PEAK1: variants seen among roughly 807,000 people sequenced by gnomAD.
The protein encoded by PEAK1 is inactive tyrosine-protein kinase PEAK1.
PEAK1 carries 54 observed loss-of-function variants against 124.7 expected under a neutral mutation model. That is an observed-to-expected ratio of 0.43 (90% CI 0.35 to 0.54). PEAK1 has a LOEUF of 0.54. Ranked by LOEUF, PEAK1 falls within the 20% of genes least tolerant of loss-of-function variation. The pLI is 0.01. For missense variants in PEAK1, 2,046 were observed against 2,134.5 expected (o/e 0.96, Z 0.82); for synonymous variants, 719 against 760.0 (o/e 0.95, Z 0.89).
Position 77,111,196 on chromosome 15 carries a change from T to C in PEAK1, c.*2960A>G, listed in dbSNP as rs1370429228. On this transcript the variant is annotated 3_prime_UTR_variant, in exon 10 of 10. Coordinates refer to ENST00000682557, the MANE Select transcript of PEAK1 (RefSeq NM_001385026.1). ...AATAACTTCCTGTTACTTGAGAAAA[T>C]GTAAAGTGCTATACTAGTCACAATT... 2 of 152,214 alleles carry C rather than the reference T, an allele frequency of 1.3e-5. No individual in the cohort carries two copies. The highest frequency in any genetic ancestry group is 2.9e-5 in the Non-Finnish European group (2 of 68,036). 9.4% of individuals were successfully genotyped at this position (152,214 alleles called of 1,614,324 possible).
intron 2 of PEAK1, among the ~76,000 whole-genome samples, chr15:77,292,141 T>C (rs906835808): frequency 6.6e-6 from 1 of 152,194 alleles, no homozygotes; most frequent in Admixed American, 6.5e-5. Flanking sequence ...GTGGTAGTTA[T>C]GGTCCATTAA....
chr15:77,381,540 C>G, intron 1 of PEAK1: 1 of 853,524 alleles, frequency 1.2e-6, no homozygotes. Context: ...AGATTCAATT[C>G]ATTGAGTAAA....
intron 2 of PEAK1, among the ~76,000 whole-genome samples, chr15:77,291,685 AAG>A (rs781216532): frequency 4.6e-5 from 7 of 152,294 alleles, no homozygotes; most frequent in East Asian, 3.9e-4. Context: ...TTCACTAAAA[AAG>A]AGAGTTATGG....
intron 2 of PEAK1, chr15:77,333,562 T>C (rs1186261453): frequency 1.1e-6 from 1 of 901,346 alleles, no homozygotes; most frequent in Non-Finnish European, 1.3e-6. Context: ...TCCTTATGTT[T>C]TTATTCTATT....
intron 6 of PEAK1, among the ~76,000 whole-genome samples, chr15:77,203,883 G>GGCAT (rs922977961): frequency 1.2e-3 from 188 of 152,188 alleles, no homozygotes; most frequent in African/African-American, 4.5e-3. Flanking sequence ...TGACACCAAA[G>GGCAT]GCATGATCCT....
At chr15:77,187,530 A>G (rs989568489) in intron 6 of PEAK1, among the ~76,000 whole-genome samples, 3 of 152,238 alleles carry the variant, frequency 2.0e-5, no homozygotes, top group African/African-American at 7.2e-5. Context: ...GCTGGATTCA[A>G]TTTCCATTAG....
chr15:77,404,313 A>G, intron 1 of PEAK1: 1 of 985,204 alleles, frequency 1.0e-6, no homozygotes, highest in Non-Finnish European at 1.2e-6. Flanking sequence ...TTCTGGGGGG[A>G]AATTCCATGT....
chr15:77,161,329 T>C (rs2055619756), intron 7 of PEAK1, among the ~76,000 whole-genome samples: 1 of 152,182 alleles, frequency 6.6e-6, no homozygotes, highest in South Asian at 2.1e-4. Context: ...GTCTGGGAAA[T>C]GTGCCAAATT....
Position 77,115,156 on chromosome 15 carries a change from T to A in PEAK1, c.4241A>T (p.Asp1414Val). 1 of 1,614,150 alleles carries A rather than the reference T, an allele frequency of 6.2e-7. No individual in the cohort carries two copies. Among genetic ancestry groups the A allele is most frequent in the African/African-American group, 1.3e-5 (1 of 75,042 alleles). Residue 1414 changes from aspartate (D) to valine (V), a missense_variant, in exon 10 of 10, where the codon GAT (aspartate) becomes GTT (valine). By Grantham distance (152) the Asp-to-Val change is radical (BLOSUM62 -3). Coordinates refer to ENST00000682557, the MANE Select transcript of PEAK1 (RefSeq NM_001385026.1). ...PWEDPDDPEK[D>V]EDDMEETEED... ...TTCAGTCTCTTCCATGTCATCCTCA[T>A]CCTTTTCAGGGTCATCTGGATCCTC...
intron 2 of PEAK1, among the ~76,000 whole-genome samples, chr15:77,362,590 AAC>A (rs1417802040): frequency 5.9e-5 from 9 of 152,194 alleles, no homozygotes; most frequent in African/African-American, 2.2e-4. Context: ...CTTTTTAGAA[AAC>A]AGTTTGGCAG....
At chr15:77,178,614 G>A in intron 7 of PEAK1, 176 bp downstream of exon 7, 1 of 693,804 alleles carries the variant, frequency 1.4e-6, no homozygotes, top group Non-Finnish European at 2.3e-6. Context: ...GTTCAGTGCA[G>A]TAAGATCACT....
intron 6 of PEAK1, among the ~76,000 whole-genome samples, chr15:77,216,288 T>A (rs1473593666): frequency 6.6e-6 from 1 of 152,224 alleles, no homozygotes; most frequent in Non-Finnish European, 1.5e-5. Context: ...ATGGAAAATG[T>A]GTATTATGGA....
At chr15:77,190,330 A>C (rs1288654713) in intron 6 of PEAK1, among the ~76,000 whole-genome samples, 2 of 152,242 alleles carry the variant, frequency 1.3e-5, no homozygotes, top group East Asian at 3.8e-4. Context: ...AGTCTTTCCT[A>C]GTGCAGATAT....
chr15:77,283,812 T>C, intron 5 of PEAK1, 71 bp downstream of exon 5: 1 of 733,406 alleles, frequency 1.4e-6, no homozygotes, highest in South Asian at 6.2e-5. Context: ...TTATGCTTAT[T>C]CTTAATCCAG....
At chr15:77,271,522 T>A (rs572225761) in intron 5 of PEAK1, among the ~76,000 whole-genome samples, 46 of 152,192 alleles carry the variant, frequency 3.0e-4, no homozygotes, top group South Asian at 2.9e-3. Flanking sequence ...AAAGACTTGG[T>A]ACCAACCCAA....
intron 7 of PEAK1, among the ~76,000 whole-genome samples, chr15:77,176,268 AAAAG>A (rs1205338584): frequency 8.9e-5 from 13 of 146,036 alleles, no homozygotes; most frequent in South Asian, 4.2e-4. Flanking sequence ...GAAGAAAAAA[AAAAG>A]AAAAGAAAAA....
intron 1 of PEAK1, chr15:77,404,160 A>G: frequency 1.0e-6 from 1 of 985,408 alleles, no homozygotes; most frequent in Non-Finnish European, 1.2e-6. Context: ...TAAATATAGA[A>G]ATACCTAATT....
intron 6 of PEAK1, among the ~76,000 whole-genome samples, chr15:77,239,024 G>A (rs1224431246): frequency 6.6e-6 from 1 of 152,146 alleles, no homozygotes; most frequent in African/African-American, 2.4e-5. Flanking sequence ...TATCACAGTT[G>A]TATTTAATTG....
rs942645207 is a variant in PEAK1 at position 77,419,540 on chromosome 15, G to A, written c.-666+466C>T. The A allele has an allele frequency of 1.4e-5, 14 of 985,114 alleles. No individual in the cohort carries two copies. In the African/African-American group the frequency reaches 2.4e-4, roughly 17 times the overall value. The allele number at this position is 985,114 out of a possible 1,614,324, so 61.0% of individuals were successfully genotyped here. On this transcript the variant is annotated intron_variant, in intron 1 of 9. Transcript: ENST00000682557. The stretch of plus-strand genomic sequence containing the variant: ...ACGCTGCCGGCGAGGCTGCGCCGAT[G>A]CTCCCGGGTGCGGGAGCGGGCTGAC...
Sources: gnomAD v4.1 joint callset for allele counts (sites outside exome capture counted in the v4.1 genomes callset) on GRCh38, gnomAD v4.1.1 for gene constraint, MANE v1.5 for transcripts, NCBI Gene and HGNC (gene_info 2026-07-23, HGNC 2026-07-21) for gene names.